KCNMA1: variants seen among roughly 807,000 people sequenced by gnomAD.
KCNMA1 encodes the protein potassium calcium-activated channel subfamily M alpha 1.
Under a neutral mutation model 140.0 loss-of-function variants are expected in KCNMA1, and 29 were observed. The ratio of observed to expected loss-of-function variants is 0.21; its 90% CI spans 0.15 to 0.28. The LOEUF is 0.28. Among genes scored for constraint, KCNMA1 ranks in the 10% least tolerant of loss-of-function variants. The probability of loss-of-function intolerance (pLI) is 1.00; values close to 1 mark genes in which losing one functional copy is unlikely to be tolerated. For missense variants in KCNMA1, 880 were observed against 1,602.2 expected (o/e 0.55, Z 7.70); for synonymous variants, 612 against 611.9 (o/e 1.00, Z 0.00).
intron 15 of KCNMA1, among the ~76,000 whole-genome samples, chr10:77,034,051 G>T (rs1346595967): frequency 4.6e-5 from 7 of 152,056 alleles, no homozygotes; most frequent in Admixed American, 4.6e-4. Flanking sequence ...AGACCACCCA[G>T]GGCAACATGG....
chr10:77,365,354 T>C (rs1347921813), intron 2 of KCNMA1, among the ~76,000 whole-genome samples: 1 of 152,216 alleles, frequency 6.6e-6, no homozygotes, highest in Non-Finnish European at 1.5e-5. Context: ...AGATACTTTG[T>C]CTGGGGACCT....
chr10:76,995,629 C>T (rs1327745313), intron 19 of KCNMA1: 1 of 470,984 alleles, frequency 2.1e-6, no homozygotes, highest in Non-Finnish European at 4.4e-6. Context: ...GCCACATCTG[C>T]CCTCCACCAT....
At chr10:76,943,170 G>A (rs77048704) in intron 23 of KCNMA1, among the ~76,000 whole-genome samples, 5,435 of 152,260 alleles carry the variant, frequency 0.036, 310 homozygotes, top group African/African-American at 0.12. Context: ...ATCCTTTCTC[G>A]CCTGTGCTAC....
At chr10:76,877,743 C>A in exon 30 of KCNMA1, 9 of 1,553,206 alleles carry the variant, frequency 5.8e-6, no homozygotes, top group Non-Finnish European at 7.0e-6. Flanking sequence ...TGGGAGTCAA[C>A]ATTCATCTTC....
At chr10:77,415,681 G>C (rs1006077395) in intron 1 of KCNMA1, among the ~76,000 whole-genome samples, 6 of 152,340 alleles carry the variant, frequency 3.9e-5, no homozygotes, top group African/African-American at 1.4e-4. Context: ...TGTAGACCAG[G>C]AGGAGGATCC....
Position 77,117,296 on chromosome 10 carries a change from C to T in KCNMA1, c.884+3677G>A, listed in dbSNP as rs2097498490. On this transcript the variant is annotated intron_variant, in intron 6 of 27. Coordinates refer to ENST00000286628, the MANE Select transcript of KCNMA1 (RefSeq NM_001161352.2). ...GGGCACAGTGGCTCACACCTGTAAT[C>T]CCAGCACTTTGGGAGGCCAAAGTGG... Among the ~76,000 whole-genome samples the T allele has an allele frequency of 2.0e-5, 3 of 151,852 alleles. No homozygotes were observed. The South Asian group carries it at 6.2e-4, about 31-fold the overall frequency.
intron 26 of KCNMA1, chr10:76,889,793 G>A (rs984627258): frequency 6.9e-6 from 4 of 580,408 alleles, no homozygotes; most frequent in African/African-American, 5.6e-5. Flanking sequence ...TTCCTCTGGT[G>A]TCTCTCCAGT....
At chr10:77,102,345 C>T (rs573758519) in intron 9 of KCNMA1, among the ~76,000 whole-genome samples, 3 of 152,212 alleles carry the variant, frequency 2.0e-5, no homozygotes, top group East Asian at 1.9e-4. Context: ...TGGAATTCCA[C>T]GTTGATACAA....
chr10:77,547,600 C>A (rs1218612909), intron 1 of KCNMA1, among the ~76,000 whole-genome samples: 1 of 152,236 alleles, frequency 6.6e-6, no homozygotes, highest in African/African-American at 2.4e-5. Context: ...TTTCTCCATG[C>A]AGTAAGGCAT....
chr10:77,533,125 C>T (rs543453983), intron 1 of KCNMA1, among the ~76,000 whole-genome samples: 3 of 152,302 alleles, frequency 2.0e-5, no homozygotes, highest in East Asian at 3.9e-4. Context: ...TATGAACACT[C>T]GTGCATTCAA....
chr10:77,544,828 T>C (rs1458755592), intron 1 of KCNMA1, among the ~76,000 whole-genome samples: 3 of 152,208 alleles, frequency 2.0e-5, no homozygotes, highest in South Asian at 2.1e-4. Flanking sequence ...TTGCATCATA[T>C]TGACCCCAAA....
At chr10:77,113,744 G>A (rs2097381445) in intron 6 of KCNMA1, among the ~76,000 whole-genome samples, 1 of 152,166 alleles carries the variant, frequency 6.6e-6, no homozygotes, top group African/African-American at 2.4e-5. Context: ...GATTACAGGT[G>A]TGATCCACCG....
At chr10:77,328,635 ACTTTT>A (rs1161759062) in intron 2 of KCNMA1, among the ~76,000 whole-genome samples, 1 of 152,168 alleles carries the variant, frequency 6.6e-6, no homozygotes, top group Non-Finnish European at 1.5e-5. Context: ...GGTGGTCATG[ACTTTT>A]CTTTTTCCCT....
chr10:77,171,400 C>CGTGTGTGTGTGTGTGTGTGTGTGTGTGT (rs60927086), intron 5 of KCNMA1, among the ~76,000 whole-genome samples: 2 of 128,932 alleles, frequency 1.6e-5, no homozygotes, highest in African/African-American at 5.2e-5. Flanking sequence ...TGTGTGTGTG[C>CGTGTGTGTGTGTGTGTGTGTGTGTGTGT]GTGTGTGTGT....
At chr10:77,626,049 C>A (rs1370775416) in intron 1 of KCNMA1, among the ~76,000 whole-genome samples, 1 of 151,604 alleles carries the variant, frequency 6.6e-6, no homozygotes, top group Non-Finnish European at 1.5e-5. Context: ...AGTAGCCATC[C>A]TAACAGATGT....
chr10:77,551,168 G>A (rs759767118), intron 1 of KCNMA1, among the ~76,000 whole-genome samples: 3 of 152,066 alleles, frequency 2.0e-5, no homozygotes, highest in African/African-American at 4.8e-5. Flanking sequence ...ATGTATCATG[G>A]AGTGACAGGA....
At chr10:77,606,165 T>C (rs920209226) in intron 1 of KCNMA1, among the ~76,000 whole-genome samples, 5 of 152,184 alleles carry the variant, frequency 3.3e-5, no homozygotes, top group African/African-American at 9.6e-5. Flanking sequence ...AGGTAACAGA[T>C]AATACTGCTG....
At chr10:77,031,465 C>A (rs1177604007) in intron 15 of KCNMA1, among the ~76,000 whole-genome samples, 1 of 152,172 alleles carries the variant, frequency 6.6e-6, no homozygotes, top group Non-Finnish European at 1.5e-5. Flanking sequence ...CTGCCTGAAC[C>A]CTATAGGTAT....
chr10:77,531,443 C>T (rs1301089246), intron 1 of KCNMA1, among the ~76,000 whole-genome samples: 1 of 152,170 alleles, frequency 6.6e-6, no homozygotes, highest in East Asian at 1.9e-4. Context: ...GCAGGTGCCC[C>T]TCACCCACGC....
Sources: gnomAD v4.1 joint callset for allele counts (sites outside exome capture counted in the v4.1 genomes callset) on GRCh38, gnomAD v4.1.1 for gene constraint, MANE v1.5 for transcripts, NCBI Gene and HGNC (gene_info 2026-07-23, HGNC 2026-07-21) for gene names.